Variants in FUT8 observed in about 807,000 individuals in gnomAD.
FUT8 encodes the protein fucosyltransferase 8.
In FUT8, 29 loss-of-function variants were observed where a neutral mutation model predicts 71.3. The ratio of observed to expected loss-of-function variants is 0.41; its 90% CI spans 0.30 to 0.55. The LOEUF (loss-of-function observed/expected upper bound fraction) is 0.55, where lower values mean the gene tolerates loss of function less well. Ranked by LOEUF, FUT8 falls within the 20% of genes least tolerant of loss-of-function variation. FUT8 has a pLI of 0.34. For synonymous variants in FUT8, 254 were observed against 239.3 expected (o/e 1.06, Z -0.57); for missense variants, 544 against 702.1 (o/e 0.77, Z 2.55).
intron 3 of FUT8, among the ~76,000 whole-genome samples, chr14:65,595,032 A>G (rs1887894343): frequency 6.6e-6 from 1 of 152,108 alleles, no homozygotes; most frequent in South Asian, 2.1e-4. Flanking sequence ...TTTCCACTCG[A>G]AGTTGGGATT....
chr14:65,367,621 A>G, the FUT8 span, among the ~76,000 whole-genome samples: 1 of 152,304 alleles, frequency 6.6e-6, no homozygotes, highest in East Asian at 1.9e-4. Context: ...ATCATAATCA[A>G]AGAAGGTAAT....
intron 2 of FUT8, among the ~76,000 whole-genome samples, chr14:65,500,827 C>T (rs955051619): frequency 1.3e-5 from 2 of 152,142 alleles, no homozygotes; most frequent in African/African-American, 4.8e-5. Context: ...GCGTTGAAAA[C>T]TTGTATTTGC....
At chr14:65,733,611 C>T (rs1340102925) in intron 10 of FUT8, among the ~76,000 whole-genome samples, 1 of 152,180 alleles carries the variant, frequency 6.6e-6, no homozygotes, top group African/African-American at 2.4e-5. Flanking sequence ...ACTACATCTC[C>T]ACTGAAGCCA....
intron 2 of FUT8, among the ~76,000 whole-genome samples, chr14:65,554,433 T>TTATATATATA (rs34853473): frequency 7.0e-6 from 1 of 143,500 alleles, no homozygotes; most frequent in South Asian, 2.2e-4. Flanking sequence ...TATATATATA[T>TTATATATATA]TATATATATA....
chr14:65,553,986 A>G (rs1032496311), intron 2 of FUT8, among the ~76,000 whole-genome samples: 3 of 151,520 alleles, frequency 2.0e-5, no homozygotes, highest in Non-Finnish European at 4.4e-5. Context: ...CTTTAAATGT[A>G]TTTTCTTCTC....
At position 65,742,950 on chromosome 14, in the gene FUT8, T is replaced by G. The variant is rs1247763588; in HGVS notation, c.*540T>G. On this transcript the variant is annotated 3_prime_UTR_variant, in exon 11 of 11. Transcript: ENST00000673929. ...GTTTTTGTTTTTTCCTTTATAAGGT[T>G]GTCTGTTTTTTTTTTTTTAAATAAT... 6.6e-6 allele frequency: 1 copy of G among 150,816 alleles called. No homozygotes were observed. The highest frequency in any genetic ancestry group is 1.9e-4 in the East Asian group (1 of 5,160). The allele number at this position is 150,816 out of a possible 1,614,324, so 9.3% of individuals were successfully genotyped here.
chr14:65,716,872 C>G (rs1363064118), intron 7 of FUT8, among the ~76,000 whole-genome samples: 2 of 141,860 alleles, frequency 1.4e-5, no homozygotes, highest in Non-Finnish European at 3.2e-5. Context: ...AGAGGCGCTC[C>G]TCACCTCCCA....
chr14:65,598,245 G>A lies in FUT8; in HGVS notation c.204-17733G>A, dbSNP rs116916189. ...AAAAAAAATTTTTTTTTTCCGAGAC[G>A]GGAGTCTTGCTCTGTTGCCCGGGCT... On this transcript the variant is annotated intron_variant, in intron 3 of 10. Coordinates refer to ENST00000673929, the MANE Select transcript of FUT8 (RefSeq NM_001371533.1). 5.8e-3 allele frequency among the ~76,000 whole-genome samples: 877 copies of A among 151,936 alleles called. 31 individuals carry two copies. The East Asian group carries it at 0.093, about 16-fold the overall frequency.
Position 65,722,030 on chromosome 14 carries a change from CT to C in FUT8, c.1082+10del. Reference sequence around the variant, plus strand: ...AAACATCCAGTTATTGGGTAAGAATCTGATTTTTTCCCTCAAACTGTGATAT... The same window carrying C: ...AAACATCCAGTTATTGGGTAAGAATCGATTTTTTCCCTCAAACTGTGATAT... On this transcript the variant is annotated intron_variant, in intron 8 of 10. Transcript: ENST00000673929. The C allele has an allele frequency of 1.2e-6, 2 of 1,612,938 alleles. No homozygotes were observed. The highest frequency in any genetic ancestry group is 1.7e-6 in the Non-Finnish European group (2 of 1,179,834).
At chr14:65,658,577 C>T (rs1287479088) in intron 6 of FUT8, among the ~76,000 whole-genome samples, 1 of 152,094 alleles carries the variant, frequency 6.6e-6, no homozygotes, top group Non-Finnish European at 1.5e-5. Flanking sequence ...TAATAGAATA[C>T]TACCTAGTAA....
At chr14:65,520,241 CAAAG>C (rs142437037) in intron 2 of FUT8, among the ~76,000 whole-genome samples, 99,263 of 151,474 alleles carry the variant, frequency 0.66, 32,643 homozygotes, top group East Asian at 0.77. Flanking sequence ...AATTAAATGG[CAAAG>C]AACGGAAGTT....
chr14:65,439,954 G>GTAAATATATATATA (rs1378430231), intron 1 of FUT8, among the ~76,000 whole-genome samples: 5 of 74,974 alleles, frequency 6.7e-5, no homozygotes, highest in African/African-American at 2.5e-4. Context: ...GTGTGTGTGT[G>GTAAATATATATATA]TATATATATA....
intron 6 of FUT8, chr14:65,646,054 TCTTAA>T (rs1237701506): frequency 3.3e-5 from 5 of 152,210 alleles, no homozygotes; most frequent in African/African-American, 1.2e-4. Context: ...GAGACAGATA[TCTTAA>T]CTTATTTAAC....
chr14:65,432,869 C>A (rs2065497764), intron 1 of FUT8, among the ~76,000 whole-genome samples: 1 of 152,108 alleles, frequency 6.6e-6, no homozygotes, highest in African/African-American at 2.4e-5. Flanking sequence ...AAGAAATAGC[C>A]ATAAAAATAG....
At chr14:65,630,567 C>T (rs1890132823) in intron 6 of FUT8, among the ~76,000 whole-genome samples, 2 of 152,012 alleles carry the variant, frequency 1.3e-5, no homozygotes, top group South Asian at 4.1e-4. Context: ...TTTGAAGAGA[C>T]TAGAAGCAGG....
chr14:65,601,216 A>G (rs1280386920), intron 3 of FUT8, among the ~76,000 whole-genome samples: 4 of 152,210 alleles, frequency 2.6e-5, no homozygotes, highest in African/African-American at 9.6e-5. Context: ...ATGGATATGT[A>G]TAGTCATTAG....
intron 1 of FUT8, among the ~76,000 whole-genome samples, chr14:65,438,996 G>T (rs1038175806): frequency 6.6e-6 from 1 of 152,200 alleles, no homozygotes; most frequent in African/African-American, 2.4e-5. Flanking sequence ...AAAGAACGAT[G>T]TGTCCATTAA....
At chr14:65,556,069 A>G (rs1236033170) in intron 2 of FUT8, among the ~76,000 whole-genome samples, 3 of 152,236 alleles carry the variant, frequency 2.0e-5, no homozygotes, top group East Asian at 1.9e-4. Context: ...ACAGAAAATA[A>G]CACATGAAGT....
intron 3 of FUT8, among the ~76,000 whole-genome samples, chr14:65,611,045 G>T (rs1888859821): frequency 6.6e-6 from 1 of 151,318 alleles, no homozygotes; most frequent in Non-Finnish European, 1.5e-5. Context: ...GTCCCTCTAG[G>T]TTTTTTTGCC....
Sources: gnomAD v4.1 joint callset for allele counts (sites outside exome capture counted in the v4.1 genomes callset) on GRCh38, gnomAD v4.1.1 for gene constraint, MANE v1.5 for transcripts, NCBI Gene and HGNC (gene_info 2026-07-23, HGNC 2026-07-21) for gene names.